Variants in GTF3C1 observed in about 807,000 individuals in gnomAD.
GTF3C1 encodes general transcription factor IIIC subunit 1.
A neutral mutation model predicts 226.7 loss-of-function variants in GTF3C1; 57 were observed. The observed-to-expected ratio is 0.25, with a 90% confidence interval of 0.20 to 0.31. The LOEUF (loss-of-function observed/expected upper bound fraction) is 0.31. GTF3C1 is among the 10% of genes least tolerant of loss of function. The pLI is 1.00. For missense variants in GTF3C1, 2,217 were observed against 2,776.1 expected, an observed-to-expected ratio of 0.80 and a Z score of 4.53; for synonymous variants, 1,090 against 1,084.8, an observed-to-expected ratio of 1.00 and a Z score of -0.09.
At chr16:27,526,229 C>A (rs2088832243) in intron 6 of GTF3C1, among the ~76,000 whole-genome samples, 1 of 152,214 alleles carries the variant, frequency 6.6e-6, no homozygotes, top group South Asian at 2.1e-4. Flanking sequence ...CCAAATGGTT[C>A]TAGGAGCCCA....
chr16:27,532,140 T>A (rs905035651), intron 5 of GTF3C1, among the ~76,000 whole-genome samples: 11 of 152,222 alleles, frequency 7.2e-5, no homozygotes, highest in Non-Finnish European at 1.5e-4. Context: ...TAGATTTTTA[T>A]GGAAAGTCTC....
chr16:27,489,554 A>C, intron 20 of GTF3C1, 48 bp downstream of exon 20: 1 of 1,474,990 alleles, frequency 6.8e-7, no homozygotes, highest in Non-Finnish European at 9.2e-7. Context: ...TGAAATGAGC[A>C]CCACCGCAGC....
chr16:27,489,311 A>G (rs2088195360), intron 20 of GTF3C1, 133 bp from the exon 21 acceptor site: 1 of 982,364 alleles, frequency 1.0e-6, no homozygotes, highest in Non-Finnish European at 1.5e-6. Context: ...ACAGGTAGCA[A>G]TGAAGAACTT....
rs139356024 is a variant in GTF3C1, at chr16:27,464,532, G to A, written c.5660C>T (p.Ala1887Val). 74 of 1,512,950 alleles carry A rather than the reference G, an allele frequency of 4.9e-5. No homozygotes were observed. In the African/African-American group the frequency reaches 5.7e-4, roughly 12 times the overall value. The allele number at this position is 1,512,950 out of a possible 1,614,324, so 93.7% of individuals were successfully genotyped here. A position where few individuals can be genotyped will look rare whatever the true frequency, so the allele number is the denominator to read the frequency against. ...GTQMTPAKRP[A>V]LQDSNLAPSL... ...GGGGGCCAAATTTGAGTCCTGGAGCGCTGGCCTCTTGGCAGGGGTCATCTG... is the reference window on the plus strand; with the variant it reads ...GGGGGCCAAATTTGAGTCCTGGAGCACTGGCCTCTTGGCAGGGGTCATCTG... Residue 1887 changes from alanine (A) to valine (V), a missense_variant, in exon 34 of 37, where the codon GCG becomes GTG. Coordinates refer to ENST00000356183, the MANE Select transcript of GTF3C1 (RefSeq NM_001520.4).
At chr16:27,547,051 G>A (rs4787966) in intron 1 of GTF3C1, among the ~76,000 whole-genome samples, 125,856 of 152,068 alleles carry the variant, frequency 0.83, 52,317 homozygotes, top group East Asian at 1. Flanking sequence ...CCAACCCTCC[G>A]TTCTTAAATG....
rs931478903 is a variant in GTF3C1 at position 27,494,425 on chromosome 16, A to C, written c.2778+338T>G. Among the ~76,000 whole-genome samples, 34 of 150,550 alleles carry C rather than the reference A, an allele frequency of 2.3e-4. 1 individual carries two copies. Among genetic ancestry groups the C allele is most frequent in the South Asian group, 2.1e-4 (1 of 4,784 alleles). On this transcript the variant is annotated intron_variant, in intron 16 of 36. Transcript: ENST00000356183. ...CATAAAAAAAAAACAAAAAAAAAAA[A>C]CAAAAAAAACCACGTTTTATTGTTG...
At chr16:27,467,200 CGAT>C (rs1567383770) in intron 32 of GTF3C1, among the ~76,000 whole-genome samples, 1 of 152,180 alleles carries the variant, frequency 6.6e-6, no homozygotes, top group South Asian at 2.1e-4. Context: ...AGGCCACTCT[CGAT>C]AGGAAGTAAT....
intron 12 of GTF3C1, among the ~76,000 whole-genome samples, chr16:27,499,583 G>C (rs890768316): frequency 6.6e-6 from 1 of 152,206 alleles, no homozygotes; most frequent in Non-Finnish European, 1.5e-5. Context: ...GCCTAGACAA[G>C]GGCTCCCGAA....
chr16:27,543,590 G>T (rs918726860), intron 2 of GTF3C1, among the ~76,000 whole-genome samples: 3 of 152,000 alleles, frequency 2.0e-5, no homozygotes, highest in Admixed American at 1.3e-4. Flanking sequence ...TAGTGATGGG[G>T]TCTTGCTATA....
chr16:27,465,229 T>C, intron 33 of GTF3C1, 31 bp downstream of exon 33: 1 of 1,606,384 alleles, frequency 6.2e-7, no homozygotes, highest in Non-Finnish European at 8.5e-7. Flanking sequence ...TCCGCTTCGG[T>C]GATATCCGGC....
At chr16:27,513,518 G>C (rs2088609371) in intron 6 of GTF3C1, among the ~76,000 whole-genome samples, 1 of 152,144 alleles carries the variant, frequency 6.6e-6, no homozygotes, top group Non-Finnish European at 1.5e-5. Context: ...ATCAGCGTGA[G>C]AGACTGGAAG....
At chr16:27,530,324 A>AGAT (rs1361958808) in intron 5 of GTF3C1, among the ~76,000 whole-genome samples, 17 of 152,296 alleles carry the variant, frequency 1.1e-4, no homozygotes, top group African/African-American at 4.1e-4. Flanking sequence ...CCCCAGCATC[A>AGAT]TAAAAAGACC....
chr16:27,471,592 G>T lies in GTF3C1; in HGVS notation c.4526+156C>A. 1.6e-6 allele frequency: 1 copy of T among 629,682 alleles called. No individual in the cohort carries two copies. 39.0% of individuals were successfully genotyped at this position (629,682 alleles called of 1,614,324 possible). On this transcript the variant is annotated intron_variant, in intron 30 of 36. Transcript: ENST00000356183. This position sits in a 1 kb window ranked among gnomAD's most constrained non-coding sequence, Gnocchi z 5.0. The stretch of plus-strand genomic sequence containing the variant: ...GATCCCCATACCACGAAGGAGGTAA[G>T]GGGCTGCAGGAAACCCAAGCCGGCA...
At chr16:27,465,006 T>C (rs892548069) in intron 33 of GTF3C1, among the ~76,000 whole-genome samples, 170 bp from the exon 34 acceptor site, 3 of 152,192 alleles carry the variant, frequency 2.0e-5, no homozygotes, top group Non-Finnish European at 4.4e-5. Flanking sequence ...TTGCTAGCCC[T>C]GTGCCCTGGA....
chr16:27,470,091 G>C lies in GTF3C1; in HGVS notation c.4814+17C>G, dbSNP rs374776135. The C allele has an allele frequency of 6.2e-7, 1 of 1,605,022 alleles. No homozygotes were observed. The highest frequency in any genetic ancestry group is 1.3e-5 in the African/African-American group (1 of 74,574). The stretch of plus-strand genomic sequence containing the variant: ...AGCACGTGGCCAGACCTGATGCTGC[G>C]GATGCCGGACTCTTACCTTTTGATG... On this transcript the variant is annotated intron_variant, in intron 31 of 36. Coordinates refer to ENST00000356183, the MANE Select transcript of GTF3C1 (RefSeq NM_001520.4). The surrounding 1 kb of genome is among the most constrained non-coding windows in gnomAD (Gnocchi z 4.9).
In GTF3C1 at chr16:27,505,882, C is replaced by A; in HGVS notation, c.1770+17G>T. On this transcript the variant is annotated intron_variant, in intron 10 of 36. Transcript: ENST00000356183. ...ACTCCTTCTTGGAGACAGCTCCCTC[C>A]CTCTGCATGCACTGACCTTTGGGTT... is the stretch of plus-strand genomic sequence containing the variant. 1 of 1,404,322 alleles carries A rather than the reference C, an allele frequency of 7.1e-7. No homozygotes were observed. Among genetic ancestry groups the A allele is most frequent in the Non-Finnish European group, 1.0e-6 (1 of 988,920 alleles). 87.0% of individuals were successfully genotyped at this position (1,404,322 alleles called of 1,614,324 possible).
rs146295478 is a variant in GTF3C1, at chr16:27,518,998, A to T, written c.974-7097T>A. Among the ~76,000 whole-genome samples, 48 of 152,362 alleles carry T rather than the reference A, an allele frequency of 3.2e-4. 1 individual carries two copies. The highest frequency in any genetic ancestry group is 8.7e-4 in the African/African-American group (36 of 41,588). ...TACTAGCAGACTAGCAGGGCCAGCC[A>T]GCCATGCTGGGAAATGTGCTATAAC... On this transcript the variant is annotated intron_variant, in intron 6 of 36. Coordinates refer to ENST00000356183, the MANE Select transcript of GTF3C1 (RefSeq NM_001520.4).
At chr16:27,491,784 A>G (rs1218505428) in intron 19 of GTF3C1, among the ~76,000 whole-genome samples, 2 of 151,680 alleles carry the variant, frequency 1.3e-5, no homozygotes, top group East Asian at 1.9e-4. Context: ...CCAACATACC[A>G]CTCAAGGCTT....
chr16:27,464,337 C>A lies in GTF3C1; in HGVS notation c.5855G>T (p.Gly1952Val). 6.6e-7 allele frequency: 1 copy of A among 1,511,434 alleles called. No homozygotes were observed. Among genetic ancestry groups the A allele is most frequent in the South Asian group, 1.4e-5 (1 of 73,488 alleles). The allele number at this position is 1,511,434 out of a possible 1,614,324, so 93.6% of individuals were successfully genotyped here. ...QLSGQAQPPE[G>V]SEDPRGFTES... The stretch of plus-strand genomic sequence containing the variant: ...CGCGGTACCTCTGGGGTCTTCAGAG[C>A]CCTCTGGAGGCTGCGCCTGGCCGCT... The change falls in exon 34 of 37, where the codon GGC becomes GTC. Residue 1952 changes from glycine to valine, a missense_variant. Around this residue, in one of 12 missense-constraint regions of GTF3C1, gnomAD observed 455 missense variants for 441.9 expected, o/e 1.03. Transcript: ENST00000356183.
Sources: allele counts gnomAD v4.1 joint callset (sites outside exome capture counted in the v4.1 genomes callset), GRCh38; gene constraint gnomAD v4.1.1; regional missense constraint gnomAD v4.1.1; non-coding constraint Gnocchi (gnomAD v3.1); transcripts MANE v1.5; gene names NCBI Gene and HGNC (gene_info 2026-07-23, HGNC 2026-07-21).